Variants in TUSC3 observed in about 807,000 individuals in gnomAD.
TUSC3 encodes the protein dolichyl-diphosphooligosaccharide--protein glycosyltransferase subunit TUSC3.
Under a neutral mutation model 44.8 loss-of-function variants are expected in TUSC3, and 45 were observed. The ratio of observed to expected loss-of-function variants is 1.00; its 90% CI spans 0.79 to 1.29. The LOEUF is 1.29. TUSC3 is among the 50% of genes most tolerant of loss of function. The pLI is 0.00. For synonymous variants in TUSC3, 212 were observed against 152.9 expected (o/e 1.39, Z -2.85); for missense variants, 519 against 437.9 (o/e 1.19, Z -1.65).
chr8:15,802,453 T>C, the TUSC3 span, among the ~76,000 whole-genome samples: 11 of 152,228 alleles, frequency 7.2e-5, no homozygotes, highest in East Asian at 1.9e-3. Flanking sequence ...GACAGAGTCT[T>C]GCACTGTCGC....
At chr8:15,817,120 A>G in the TUSC3 span, among the ~76,000 whole-genome samples, 1 of 152,322 alleles carries the variant, frequency 6.6e-6, no homozygotes, top group Middle Eastern at 3.4e-3. Flanking sequence ...GTCACTGCAG[A>G]CTACTCCTAT....
At chr8:15,747,666 C>CTCGTA (rs1341285986) in intron 8 of TUSC3, among the ~76,000 whole-genome samples, 1 of 152,010 alleles carries the variant, frequency 6.6e-6, no homozygotes, top group Non-Finnish European at 1.5e-5. Flanking sequence ...TAAAGTACTG[C>CTCGTA]TCGTATTTTC....
At position 15,425,790 on chromosome 8, in the gene TUSC3, A is replaced by G. The variant is rs557908406; in HGVS notation, n.91+8485A>G. Among the ~76,000 whole-genome samples, 8 of 152,336 alleles carry G rather than the reference A, an allele frequency of 5.3e-5. No homozygotes were observed. The South Asian group carries it at 1.7e-3, about 32-fold the overall frequency. ...CCTGTGAAAAACAGGGGTTATTCCA[A>G]GCGGCCTGATGACTTAGACCCTACC... On this transcript the variant is annotated intron_variant and non_coding_transcript_variant, in intron 1 of 5. Transcript: ENST00000503191.
the TUSC3 span, among the ~76,000 whole-genome samples, chr8:15,822,367 G>C: frequency 6.6e-6 from 1 of 152,062 alleles, no homozygotes; most frequent in Non-Finnish European, 1.5e-5. Context: ...ATTATTAATA[G>C]TTTAGACTCC....
At chr8:15,652,696 A>C (rs1806967022) in intron 3 of TUSC3, among the ~76,000 whole-genome samples, 1 of 152,210 alleles carries the variant, frequency 6.6e-6, no homozygotes, top group Non-Finnish European at 1.5e-5. Flanking sequence ...ATCTCTATAG[A>C]ATCTCAGGAT....
At chr8:15,637,358 G>T in intron 2 of TUSC3, among the ~76,000 whole-genome samples, 1 of 152,046 alleles carries the variant, frequency 6.6e-6, no homozygotes, top group East Asian at 1.9e-4. Context: ...TTTCTGCGTG[G>T]ATTCTGTCTG....
chr8:15,713,857 C>G lies in TUSC3; in HGVS notation c.799-16809C>G, dbSNP rs547841182. On this transcript the variant is annotated intron_variant, in intron 6 of 10. Coordinates refer to ENST00000503731, the MANE Select transcript of TUSC3 (RefSeq NM_006765.4). ...ATTTTTGGGAGGGACTCAATTCAGC[C>G]TCTAACAGAGCAATAATACTCAGTT... Among the ~76,000 whole-genome samples the G allele has an allele frequency of 4.6e-5, 7 of 152,200 alleles. No individual in the cohort carries two copies. The South Asian group carries it at 1.5e-3, about 32-fold the overall frequency.
the TUSC3 span, among the ~76,000 whole-genome samples, chr8:15,802,260 ATAAT>A: frequency 2.0e-5 from 3 of 152,238 alleles, no homozygotes; most frequent in Non-Finnish European, 4.4e-5. Flanking sequence ...AGAGCCCTAA[ATAAT>A]TATCAGGAAA....
At chr8:15,631,275 G>C (rs191672298) in intron 2 of TUSC3, among the ~76,000 whole-genome samples, 1 of 152,280 alleles carries the variant, frequency 6.6e-6, no homozygotes, top group East Asian at 1.9e-4. Flanking sequence ...CGTAACTTTA[G>C]TGTGTTAACT....
At chr8:15,825,404 G>C in the TUSC3 span, among the ~76,000 whole-genome samples, 1 of 152,090 alleles carries the variant, frequency 6.6e-6, no homozygotes, top group Admixed American at 6.6e-5. Flanking sequence ...CTCTCCTTTA[G>C]AAAACCATCA....
chr8:15,784,878 A>T, the TUSC3 span, among the ~76,000 whole-genome samples: 1 of 152,090 alleles, frequency 6.6e-6, no homozygotes, highest in Non-Finnish European at 1.5e-5. Flanking sequence ...TGTATTTTTA[A>T]AATTTGCTAA....
chr8:15,512,072 G>T (rs968203344), intron 2 of TUSC3, among the ~76,000 whole-genome samples: 5 of 152,150 alleles, frequency 3.3e-5, no homozygotes, highest in Non-Finnish European at 5.9e-5. Context: ...CTTTGAAAAA[G>T]AGGAACAATG....
At chr8:15,806,471 A>C in the TUSC3 span, 15 of 884,860 alleles carry the variant, frequency 1.7e-5, no homozygotes, top group Non-Finnish European at 2.5e-5. Flanking sequence ...TCCCTTATGC[A>C]AACAGGTGTC....
chr8:15,592,119 A>G (rs930328213), intron 1 of TUSC3, among the ~76,000 whole-genome samples: 1 of 152,150 alleles, frequency 6.6e-6, no homozygotes, highest in Non-Finnish European at 1.5e-5. Context: ...AAGGAAGGTA[A>G]TGGCAGATAC....
chr8:15,523,664 ATG>A lies in TUSC3; in HGVS notation n.189+40225_189+40226del, dbSNP rs869090876. 2.6e-3 allele frequency among the ~76,000 whole-genome samples: 110 copies of A among 42,470 alleles called. 2 individuals carry two copies. Among genetic ancestry groups the A allele is most frequent in the East Asian group, 0.014 (27 of 1,874 alleles). 27.9% of individuals were successfully genotyped at this position (42,470 alleles called of 152,430 possible). A position where few individuals can be genotyped will look rare whatever the true frequency, so the allele number is the denominator to read the frequency against. ...CATATATATATATATATATATATATATGTGTGTGTGTGTGTGTGTGTGTGTGT... is the reference window on the plus strand; with the variant it reads ...CATATATATATATATATATATATATATGTGTGTGTGTGTGTGTGTGTGTGT... On this transcript the variant is annotated intron_variant and non_coding_transcript_variant, in intron 2 of 5. Transcript: ENST00000503191.
At position 15,438,944 on chromosome 8, in the gene TUSC3, G is replaced by A. The variant is rs376973828; in HGVS notation, n.91+21639G>A. Among the ~76,000 whole-genome samples the A allele has an allele frequency of 5.1e-4, 77 of 152,246 alleles. No homozygotes were observed. In the South Asian group the frequency reaches 0.015, roughly 29 times the overall value. ...TAAAATGGTGTGGTCGCAAGGAGAG[G>A]AATCTACAAAACACAGTGCAGTAGC... On this transcript the variant is annotated intron_variant and non_coding_transcript_variant, in intron 1 of 5. Coordinates refer to the TUSC3 transcript ENST00000503191.
intron 1 of TUSC3, among the ~76,000 whole-genome samples, chr8:15,608,759 A>G (rs1224188741): frequency 2.6e-5 from 4 of 152,084 alleles, no homozygotes; most frequent in African/African-American, 9.7e-5. Context: ...TTCCACCATG[A>G]TTGTAAGTTT....
rs538342081 is a variant in TUSC3, at chr8:15,433,965, C to T, written n.91+16660C>T. 3.3e-3 allele frequency among the ~76,000 whole-genome samples: 506 copies of T among 151,968 alleles called. 4 individuals are homozygous for T. The highest frequency in any genetic ancestry group is 4.0e-3 in the Non-Finnish European group (275 of 67,956). On this transcript the variant is annotated intron_variant and non_coding_transcript_variant, in intron 1 of 5. Transcript: ENST00000503191. ...GTGGATATGTGTTTTTATTTTTGGA[C>T]GGTAAACAAATAAAAGTGTAATTAC...
In TUSC3 at chr8:15,765,738, G is replaced by A. The variant is rs975440772; in HGVS notation, c.*1582G>A. On this transcript the variant is annotated 3_prime_UTR_variant, in exon 11 of 11. Transcript: ENST00000503731. ...TGAATAAATTTAGTTTTGGAATGAC[G>A]TTTATGGAAAAGCAATAGATGAACT... 2 of 151,954 alleles carry A rather than the reference G, an allele frequency of 1.3e-5. No homozygotes were observed. The highest frequency in any genetic ancestry group is 2.4e-5 in the African/African-American group (1 of 41,422). The allele number at this position is 151,954 out of a possible 1,614,324, so 9.4% of individuals were successfully genotyped here. A position where few individuals can be genotyped will look rare whatever the true frequency, so the allele number is the denominator to read the frequency against.
Sources: gnomAD v4.1 joint callset for allele counts (sites outside exome capture counted in the v4.1 genomes callset) on GRCh38, gnomAD v4.1.1 for gene constraint, MANE v1.5 for transcripts, NCBI Gene and HGNC (gene_info 2026-07-23, HGNC 2026-07-21) for gene names.